Variants in MAPK10 observed in about 807,000 individuals in gnomAD.
The protein encoded by MAPK10 is mitogen-activated protein kinase 10, also known as JNK3 alpha protein kinase.
In MAPK10, 25 loss-of-function variants were observed where a neutral mutation model predicts 59.3. The ratio of observed to expected loss-of-function variants is 0.42; its 90% CI spans 0.31 to 0.59. The LOEUF (loss-of-function observed/expected upper bound fraction) is 0.59. MAPK10 is among the 20% of genes least tolerant of loss of function. MAPK10 has a pLI of 0.15. For missense variants in MAPK10, 351 were observed against 568.9 expected (o/e 0.62, Z 3.90); for synonymous variants, 190 against 200.5 (o/e 0.95, Z 0.44).
intron 3 of MAPK10, among the ~76,000 whole-genome samples, chr4:86,184,121 C>T (rs1057498494): frequency 8.5e-5 from 13 of 152,254 alleles, no homozygotes; most frequent in African/African-American, 2.6e-4. Context: ...GTTTCTTTTG[C>T]TGTGCAGAAG....
chr4:86,537,946 G>T (rs1326581801), intron 1 of MAPK10, among the ~76,000 whole-genome samples: 2 of 152,012 alleles, frequency 1.3e-5, no homozygotes, highest in Non-Finnish European at 2.9e-5. Flanking sequence ...AAGTTCCAAA[G>T]TTTTATCTTT....
intron 1 of MAPK10, among the ~76,000 whole-genome samples, chr4:86,462,319 C>T (rs984489029): frequency 5.3e-5 from 8 of 152,126 alleles, no homozygotes; most frequent in South Asian, 2.1e-4. Context: ...TATCTACTTC[C>T]GTTCCCTGGA....
chr4:86,328,839 C>T (rs1461285336), intron 2 of MAPK10, among the ~76,000 whole-genome samples: 7 of 151,986 alleles, frequency 4.6e-5, no homozygotes, highest in African/African-American at 9.7e-5. Flanking sequence ...CATCACACAC[C>T]GGGGCCTGTC....
intron 1 of MAPK10, among the ~76,000 whole-genome samples, chr4:86,559,145 A>G: frequency 6.6e-6 from 1 of 152,128 alleles, no homozygotes; most frequent in East Asian, 1.9e-4. Context: ...AAAATGAAAA[A>G]TAATATACAT....
intron 4 of MAPK10, among the ~76,000 whole-genome samples, chr4:86,144,721 T>C (rs1157420653): frequency 1.3e-5 from 2 of 152,174 alleles, no homozygotes; most frequent in African/African-American, 4.8e-5. Context: ...ATGTGTAGGA[T>C]AACATCTGTC....
intron 1 of MAPK10, among the ~76,000 whole-genome samples, chr4:86,551,039 T>C (rs1159187212): frequency 6.6e-6 from 1 of 152,206 alleles, no homozygotes; most frequent in East Asian, 1.9e-4. Context: ...CCTGTTTGCC[T>C]GAAATTAAAG....
At chr4:86,372,314 C>T (rs1738889584) in intron 1 of MAPK10, among the ~76,000 whole-genome samples, 1 of 151,936 alleles carries the variant, frequency 6.6e-6, no homozygotes, top group South Asian at 2.1e-4. Flanking sequence ...GTCAGGAGAT[C>T]GAGACCATCT....
intron 2 of MAPK10, among the ~76,000 whole-genome samples, chr4:86,348,882 C>T (rs777902917): frequency 7.9e-5 from 12 of 152,048 alleles, no homozygotes; most frequent in Admixed American, 4.6e-4. Context: ...TTCTCTTCTC[C>T]GGGCAAAACA....
At chr4:86,317,903 C>T (rs984298161) in intron 2 of MAPK10, among the ~76,000 whole-genome samples, 1 of 152,186 alleles carries the variant, frequency 6.6e-6, no homozygotes, top group African/African-American at 2.4e-5. Flanking sequence ...TCTGAAGGCT[C>T]TAGAGGAGCC....
intron 2 of MAPK10, chr4:86,300,995 G>A (rs1252614748): frequency 1.3e-5 from 2 of 152,010 alleles, no homozygotes; most frequent in African/African-American, 2.4e-5. Flanking sequence ...AGGGTTTTGA[G>A]CAAGTTTCAT....
intron 2 of MAPK10, among the ~76,000 whole-genome samples, chr4:86,226,545 G>A (rs914690337): frequency 6.6e-6 from 1 of 152,116 alleles, no homozygotes; most frequent in Non-Finnish European, 1.5e-5. Context: ...ACAGTAACCA[G>A]CATTAAACCT....
chr4:86,310,835 T>C (rs1342073194), intron 2 of MAPK10, among the ~76,000 whole-genome samples: 1 of 152,082 alleles, frequency 6.6e-6, no homozygotes, highest in Non-Finnish European at 1.5e-5. Context: ...TTTCCTGCTG[T>C]GGAATGTTTT....
At chr4:86,419,966 T>C (rs537045959) in intron 1 of MAPK10, among the ~76,000 whole-genome samples, 5 of 152,256 alleles carry the variant, frequency 3.3e-5, no homozygotes, top group Non-Finnish European at 7.3e-5. Flanking sequence ...TCAAAATAGA[T>C]ACATTCACTC....
At chr4:86,542,993 A>G (rs1383796177) in intron 1 of MAPK10, among the ~76,000 whole-genome samples, 1 of 152,160 alleles carries the variant, frequency 6.6e-6, no homozygotes, top group Non-Finnish European at 1.5e-5. Flanking sequence ...ACACTGCCTC[A>G]CCATGCAGCT....
At chr4:86,507,653 T>TATATAC (rs1554274993) in intron 1 of MAPK10, among the ~76,000 whole-genome samples, 1 of 88,922 alleles carries the variant, frequency 1.1e-5, no homozygotes, top group African/African-American at 4.0e-5. Flanking sequence ...TATATATATA[T>TATATAC]ATATATATAT....
intron 4 of MAPK10, among the ~76,000 whole-genome samples, chr4:86,137,739 T>C (rs1226094868): frequency 1.3e-4 from 17 of 132,130 alleles, no homozygotes; most frequent in Admixed American, 8.9e-4. Context: ...AATTAATGAA[T>C]CCAGGAGCTG....
chr4:86,289,829 C>T (rs925575182), intron 2 of MAPK10, among the ~76,000 whole-genome samples: 4 of 151,964 alleles, frequency 2.6e-5, no homozygotes, highest in African/African-American at 9.7e-5. Context: ...CAGGACTTGC[C>T]AATGGGTGTT....
Position 86,017,114 on chromosome 4 carries a change from GCT to G in MAPK10, c.*112_*113del. On this transcript the variant is annotated 3_prime_UTR_variant, in exon 14 of 14. Transcript: ENST00000641462. This position sits in a 1 kb window ranked among gnomAD's most constrained non-coding sequence, Gnocchi z 4.4. Reference sequence around the variant, plus strand: ...ATTTTAGGCTTGGATTCTCTCCCTTGCTGTTTTCTTGATGTTGTGTGTCTGCA... The same window carrying G: ...ATTTTAGGCTTGGATTCTCTCCCTTGGTTTTCTTGATGTTGTGTGTCTGCA... 8.6e-7 allele frequency: 1 copy of G among 1,158,310 alleles called. No individual in the cohort carries two copies. The highest frequency in any genetic ancestry group is 1.2e-6 in the Non-Finnish European group (1 of 813,598). 71.8% of individuals were successfully genotyped at this position (1,158,310 alleles called of 1,614,324 possible). A position where few individuals can be genotyped will look rare whatever the true frequency, so the allele number is the denominator to read the frequency against.
chr4:86,447,167 T>C (rs534157294), intron 1 of MAPK10, among the ~76,000 whole-genome samples: 1 of 152,230 alleles, frequency 6.6e-6, no homozygotes, highest in Admixed American at 6.5e-5. Context: ...TGGGAGGTAA[T>C]TGGATCATGG....
Sources: gnomAD v4.1 joint callset for allele counts (sites outside exome capture counted in the v4.1 genomes callset) on GRCh38, gnomAD v4.1.1 for gene constraint, Gnocchi (gnomAD v3.1) non-coding constraint, MANE v1.5 for transcripts, NCBI Gene and HGNC (gene_info 2026-07-23, HGNC 2026-07-21) for gene names.